The following MTUS2 variants were observed in gnomAD, a reference collection of about 807,000 sequenced individuals.
MTUS2 encodes microtubule associated scaffold protein 2, also known as microtubule-associated tumor suppressor candidate 2.
MTUS2 carries 40 observed loss-of-function variants against 114.1 expected under a neutral mutation model. That is an observed-to-expected ratio of 0.35 (90% confidence interval 0.27 to 0.46). The LOEUF is 0.46. Ranked by LOEUF, MTUS2 falls within the 20% of genes least tolerant of loss-of-function variation. The pLI, the probability that MTUS2 is intolerant of heterozygous loss-of-function variation, is 1.00. For synonymous variants in MTUS2, 688 were observed against 672.0 expected (o/e 1.02, Z -0.37); for missense variants, 1,679 against 1,705.4 (o/e 0.98, Z 0.27).
In MTUS2 at chr13:29,141,984, C is replaced by T. The variant is rs912496429; in HGVS notation, c.2644+41014C>T. Among the ~76,000 whole-genome samples, 6 of 151,596 alleles carry T rather than the reference C, an allele frequency of 4.0e-5. 1 individual carries two copies. Among genetic ancestry groups the T allele is most frequent in the South Asian group, 2.1e-4 (1 of 4,762 alleles). ...ACACCATTCTACTGCCTCAGCCTCC[C>T]GAGTAGCTGGGACTACAGGCACCCA... is the stretch of plus-strand genomic sequence containing the variant. On this transcript the variant is annotated intron_variant, in intron 5 of 15. Transcript: ENST00000612955.
intron 8 of MTUS2, chr13:29,428,896 G>T: frequency 6.2e-7 from 1 of 1,613,940 alleles, no homozygotes; most frequent in Non-Finnish European, 8.5e-7. Context: ...TGGACAAGAC[G>T]GTACTTTGCC....
rs1288821867 is a variant in MTUS2, at chr13:29,349,429, G to T, written c.2906-9833G>T. Among the ~76,000 whole-genome samples, 3 of 151,954 alleles carry T rather than the reference G, an allele frequency of 2.0e-5. No individual in the cohort carries two copies. In the East Asian group the frequency reaches 5.8e-4, roughly 29 times the overall value. ...TATCAACACTCAGTTTTCTTTTAAA[G>T]AAATTTAAATAAGAAGAAGTCTGAG... On this transcript the variant is annotated intron_variant, in intron 7 of 15. Coordinates refer to ENST00000612955, the MANE Select transcript of MTUS2 (RefSeq NM_001033602.4).
At chr13:29,274,101 G>T (rs2139512854) in intron 5 of MTUS2, among the ~76,000 whole-genome samples, 1 of 150,502 alleles carries the variant, frequency 6.6e-6, no homozygotes, top group Non-Finnish European at 1.5e-5. Context: ...TTTGTTTTTT[G>T]TTTTGTTTGT....
intron 8 of MTUS2, among the ~76,000 whole-genome samples, chr13:29,416,461 A>G (rs1355231854): frequency 1.3e-5 from 2 of 151,050 alleles, no homozygotes; most frequent in African/African-American, 2.4e-5. Flanking sequence ...TAGCATATAT[A>G]TAGCACATAT....
chr13:29,268,837 C>T (rs1234403400), intron 5 of MTUS2, among the ~76,000 whole-genome samples: 2 of 152,156 alleles, frequency 1.3e-5, no homozygotes, highest in African/African-American at 4.8e-5. Context: ...TTCAGCAATC[C>T]TCCTACCTCA....
chr13:29,222,000 A>G (rs1234104483), intron 5 of MTUS2, among the ~76,000 whole-genome samples: 1 of 152,152 alleles, frequency 6.6e-6, no homozygotes, highest in Non-Finnish European at 1.5e-5. Context: ...TGCAGTGGCT[A>G]TTTATAGGCA....
chr13:28,858,514 T>C (rs189641029), intron 2 of MTUS2, among the ~76,000 whole-genome samples: 1 of 152,290 alleles, frequency 6.6e-6, no homozygotes, highest in East Asian at 1.9e-4. Flanking sequence ...TTGTTGTCAT[T>C]ATCTATGGCA....
intron 8 of MTUS2, among the ~76,000 whole-genome samples, chr13:29,365,924 A>C (rs1227056362): frequency 3.9e-5 from 6 of 152,204 alleles, no homozygotes; most frequent in African/African-American, 1.4e-4. Flanking sequence ...ACTCTCTAAC[A>C]AGAGGAGATA....
intron 4 of MTUS2, among the ~76,000 whole-genome samples, chr13:29,036,348 T>C (rs1474384861): frequency 6.6e-6 from 1 of 152,162 alleles, no homozygotes; most frequent in African/African-American, 2.4e-5. Flanking sequence ...TTGATAATTA[T>C]GTATTGTACA....
intron 2 of MTUS2, among the ~76,000 whole-genome samples, chr13:28,910,737 T>C (rs548457902): frequency 6.6e-6 from 1 of 152,274 alleles, no homozygotes; most frequent in South Asian, 2.1e-4. Flanking sequence ...CTGCATAGTA[T>C]TCCATAATGT....
chr13:29,283,526 T>A (rs1898358200), intron 6 of MTUS2, among the ~76,000 whole-genome samples: 1 of 152,236 alleles, frequency 6.6e-6, no homozygotes, highest in Non-Finnish European at 1.5e-5. Context: ...CTATGGTATG[T>A]TAAAACACGG....
chr13:28,996,235 C>G (rs1315250627), intron 2 of MTUS2, among the ~76,000 whole-genome samples: 1 of 152,090 alleles, frequency 6.6e-6, no homozygotes, highest in Non-Finnish European at 1.5e-5. Context: ...GCCTCGCATC[C>G]CAGGGATGAA....
chr13:29,271,556 C>A (rs1897882285), intron 5 of MTUS2, among the ~76,000 whole-genome samples: 1 of 152,134 alleles, frequency 6.6e-6, no homozygotes. Context: ...TCTTCTTGTT[C>A]TTTCTTGGTG....
intron 4 of MTUS2, among the ~76,000 whole-genome samples, chr13:29,043,090 G>A (rs759871258): frequency 4.6e-5 from 7 of 151,638 alleles, no homozygotes; most frequent in Non-Finnish European, 8.9e-5. Flanking sequence ...ATTTTTTGAT[G>A]CAGGCACTGC....
intron 6 of MTUS2, among the ~76,000 whole-genome samples, chr13:29,317,218 G>A (rs1900028192): frequency 6.6e-6 from 1 of 152,092 alleles, no homozygotes; most frequent in East Asian, 1.9e-4. Flanking sequence ...CATGCATGCA[G>A]TACATGTGTG....
chr13:29,498,604 C>T (rs1882703160), intron 14 of MTUS2, 67 bp downstream of exon 14: 9 of 1,597,286 alleles, frequency 5.6e-6, no homozygotes, highest in African/African-American at 1.3e-5. Flanking sequence ...CTGATGTCAT[C>T]GTTGATGGTG....
chr13:28,985,861 G>T (rs1294477837), intron 2 of MTUS2, among the ~76,000 whole-genome samples: 3 of 152,164 alleles, frequency 2.0e-5, no homozygotes, highest in Non-Finnish European at 2.9e-5. Context: ...AGGGAAGTCT[G>T]CCTACAGACA....
At chr13:29,484,104 T>C (rs1004666160) in intron 10 of MTUS2, 1 of 152,256 alleles carries the variant, frequency 6.6e-6, no homozygotes, top group African/African-American at 2.4e-5. Context: ...CCATCAAGTC[T>C]CAGCAGAGAT....
intron 2 of MTUS2, among the ~76,000 whole-genome samples, chr13:28,903,510 T>C (rs9670688): frequency 6.7e-6 from 1 of 149,002 alleles, no homozygotes; most frequent in Non-Finnish European, 1.5e-5. Context: ...GAGAACATGC[T>C]GTGTTTGGTT....
Sources: allele counts gnomAD v4.1 joint callset (sites outside exome capture counted in the v4.1 genomes callset), GRCh38; gene constraint gnomAD v4.1.1; transcripts MANE v1.5; gene names NCBI Gene and HGNC (gene_info 2026-07-23, HGNC 2026-07-21).